The following FRA10AC1 variants were observed in gnomAD, a reference collection of about 807,000 sequenced individuals.
The protein encoded by FRA10AC1 is FRA10A associated CGG repeat 1, also known as protein FRA10AC1.
FRA10AC1 carries 43 observed loss-of-function variants against 56.5 expected under a neutral mutation model. That is an observed-to-expected ratio of 0.76 (90% CI 0.60 to 0.98). FRA10AC1 has a LOEUF of 0.98. Ranked by LOEUF, FRA10AC1 falls within the 50% of genes least tolerant of loss-of-function variation. The pLI, the probability that FRA10AC1 is intolerant of heterozygous loss-of-function variation, is 0.00. For missense variants in FRA10AC1, 346 were observed against 351.8 expected, an observed-to-expected ratio of 0.98 and a Z score of 0.13; for synonymous variants, 112 against 110.5, an observed-to-expected ratio of 1.01 and a Z score of -0.09.
At chr10:93,696,310 C>T (rs1452737726) in intron 4 of FRA10AC1, among the ~76,000 whole-genome samples, 1 of 152,166 alleles carries the variant, frequency 6.6e-6, no homozygotes, top group African/African-American at 2.4e-5. Context: ...AAATCGTCAA[C>T]AAAAGCTGTT....
intron 8 of FRA10AC1, 28 bp downstream of exon 8, chr10:93,687,376 T>G: frequency 6.9e-7 from 1 of 1,445,082 alleles, no homozygotes; most frequent in Non-Finnish European, 9.4e-7. Context: ...GTTTATCCTA[T>G]TAAAAAGTAA....
Position 93,698,138 on chromosome 10 carries a change from C to T in FRA10AC1, c.217G>A (p.Ala73Thr), listed in dbSNP as rs1253939433. 2.6e-6 allele frequency: 4 copies of T among 1,530,582 alleles called. No homozygotes were observed. The highest frequency in any genetic ancestry group is 2.8e-5 in the African/African-American group (2 of 71,596). The allele number at this position is 1,530,582 out of a possible 1,614,324, so 94.8% of individuals were successfully genotyped here. ...ATCTGGAAATAAAAAAAGGATACAG[C>T]ATCCATAGCTATGAGATGAAACCTT... ...NRRFHLIAMD[A>T]YQRHTKFVND... The change falls in exon 4 of 14, where the codon GCT (alanine) becomes ACT (threonine). Residue 73 changes from alanine to threonine, a missense_variant and splice_region_variant. Physicochemically the swap from Ala to Thr is moderately conservative, Grantham distance 58. Coordinates refer to ENST00000359204, the MANE Select transcript of FRA10AC1 (RefSeq NM_145246.5).
In FRA10AC1 at chr10:93,702,506, CCT is replaced by C. The variant is rs2059353795; in HGVS notation, c.-134_-133del. The C allele has an allele frequency of 9.8e-6, 2 of 204,190 alleles. No homozygotes were observed. The highest frequency in any genetic ancestry group is 1.9e-5 in the Non-Finnish European group (2 of 106,228). 12.6% of individuals were successfully genotyped at this position (204,190 alleles called of 1,614,324 possible). Reference sequence around the variant, plus strand: ...AGGTCCCGTGCGCCCTGCCGCACAGCCTCGCCACAACCACCACCGCCGCCGCC... The same window carrying C: ...AGGTCCCGTGCGCCCTGCCGCACAGCCGCCACAACCACCACCGCCGCCGCC... On this transcript the variant is annotated 5_prime_UTR_variant, in exon 1 of 14. Transcript: ENST00000359204.
intron 4 of FRA10AC1, among the ~76,000 whole-genome samples, chr10:93,695,967 C>A (rs1279967454): frequency 1.3e-5 from 2 of 152,120 alleles, no homozygotes; most frequent in African/African-American, 4.8e-5. Context: ...CAGCCAAAGA[C>A]AACATATAAA....
At chr10:93,684,772 T>C (rs1025439178) in intron 9 of FRA10AC1, among the ~76,000 whole-genome samples, 2 of 152,176 alleles carry the variant, frequency 1.3e-5, no homozygotes, top group Non-Finnish European at 2.9e-5. Flanking sequence ...GGGAAACTGC[T>C]GTATTCTGGA....
intron 5 of FRA10AC1, among the ~76,000 whole-genome samples, chr10:93,693,503 TATA>T (rs2133932521): frequency 4.0e-5 from 2 of 50,044 alleles, no homozygotes; most frequent in East Asian, 8.3e-4. Context: ...TATATATATA[TATA>T]TACACCATAT....
At chr10:93,699,382 T>C (rs1291707185) in intron 2 of FRA10AC1, among the ~76,000 whole-genome samples, 1 of 152,178 alleles carries the variant, frequency 6.6e-6, no homozygotes, top group Non-Finnish European at 1.5e-5. Context: ...AACAGCCGTG[T>C]AAGTTTGGTT....
Position 93,680,869 on chromosome 10 carries a change from G to A in FRA10AC1, c.787+611C>T, listed in dbSNP as rs570189879. ...ACACATGAAGAAATTGAGTCTTAGCGAGCTTAAGGACTGCTAAAGAAAAAG... is the reference window on the plus strand; with the variant it reads ...ACACATGAAGAAATTGAGTCTTAGCAAGCTTAAGGACTGCTAAAGAAAAAG... On this transcript the variant is annotated intron_variant, in intron 11 of 13. Coordinates refer to ENST00000359204, the MANE Select transcript of FRA10AC1 (RefSeq NM_145246.5). 3.7e-4 allele frequency among the ~76,000 whole-genome samples: 56 copies of A among 152,240 alleles called. No individual in the cohort carries two copies. In the South Asian group the frequency reaches 9.7e-3, roughly 26 times the overall value.
chr10:93,676,014 A>G (rs1589715102), intron 12 of FRA10AC1, among the ~76,000 whole-genome samples: 1 of 152,200 alleles, frequency 6.6e-6, no homozygotes, highest in Non-Finnish European at 1.5e-5. Context: ...GGTACAATTA[A>G]TCTTTCTATT....
intron 12 of FRA10AC1, chr10:93,671,416 C>G (rs920894318): frequency 6.5e-6 from 1 of 152,848 alleles, no homozygotes; most frequent in African/African-American, 2.4e-5. Context: ...TTCTGTAAAC[C>G]TTTTTCTGGA....
chr10:93,687,380 A>G, intron 8 of FRA10AC1, 24 bp downstream of exon 8: 1 of 1,459,692 alleles, frequency 6.9e-7, no homozygotes, highest in Non-Finnish European at 9.3e-7. Context: ...ATCCTATTAA[A>G]AAGTAAAAAT....
intron 11 of FRA10AC1, among the ~76,000 whole-genome samples, chr10:93,678,410 G>A (rs2058878620): frequency 6.6e-6 from 1 of 152,060 alleles, no homozygotes; most frequent in South Asian, 2.1e-4. Context: ...TTCTAAGACG[G>A]TAACCTAAAG....
chr10:93,696,257 A>G (rs2059233292), intron 4 of FRA10AC1, among the ~76,000 whole-genome samples: 1 of 152,194 alleles, frequency 6.6e-6, no homozygotes, highest in Non-Finnish European at 1.5e-5. Context: ...AATTGGAGGT[A>G]AAGAAGGTGA....
At chr10:93,672,795 C>T (rs369088880) in intron 12 of FRA10AC1, 1 of 152,616 alleles carries the variant, frequency 6.6e-6, no homozygotes, top group South Asian at 2.1e-4. Flanking sequence ...CCTTTAAGGT[C>T]CCTTATAACC....
intron 8 of FRA10AC1, 21 bp downstream of exon 8, chr10:93,687,376 TTAAAAAG>T: frequency 6.9e-7 from 1 of 1,445,082 alleles, no homozygotes; most frequent in Admixed American, 2.2e-5. Context: ...GTTTATCCTA[TTAAAAAG>T]TAAAAATTTT....
chr10:93,698,680 C>A (rs1478075434), intron 2 of FRA10AC1, among the ~76,000 whole-genome samples: 1 of 152,194 alleles, frequency 6.6e-6, no homozygotes, highest in Non-Finnish European at 1.5e-5. Flanking sequence ...CAATTACTAC[C>A]TTAATCTTAA....
rs2058708481 is a variant in FRA10AC1 at position 93,668,111 on chromosome 10, C to A, written c.*1715G>T. On this transcript the variant is annotated 3_prime_UTR_variant, in exon 14 of 14. Transcript: ENST00000359204. ...AATAACTGTTTAATAAAAGGAAAAT[C>A]TCTGATAATAACCATTTTAAAATGA... is the stretch of plus-strand genomic sequence containing the variant. 6.6e-6 allele frequency: 1 copy of A among 152,110 alleles called. No homozygotes were observed. The highest frequency in any genetic ancestry group is 1.5e-5 in the Non-Finnish European group (1 of 68,014). 9.4% of individuals were successfully genotyped at this position (152,110 alleles called of 1,614,324 possible). A position where few individuals can be genotyped will look rare whatever the true frequency, so the allele number is the denominator to read the frequency against.
intron 4 of FRA10AC1, among the ~76,000 whole-genome samples, chr10:93,697,418 T>A (rs1387309147): frequency 6.6e-6 from 1 of 152,208 alleles, no homozygotes; most frequent in Non-Finnish European, 1.5e-5. Context: ...GTAGGGGGCG[T>A]ATCAAATTGA....
chr10:93,669,940 TAATA>T (rs2058735394), intron 13 of FRA10AC1, 72 bp from the exon 14 acceptor site: 1 of 752,952 alleles, frequency 1.3e-6, no homozygotes, highest in East Asian at 2.9e-5. Context: ...TATATGAGAT[TAATA>T]AAAATAAAAT....
Sources: allele counts gnomAD v4.1 joint callset (sites outside exome capture counted in the v4.1 genomes callset), GRCh38; gene constraint gnomAD v4.1.1; transcripts MANE v1.5; gene names NCBI Gene and HGNC (gene_info 2026-07-23, HGNC 2026-07-21).